DIP2C: variants seen among roughly 807,000 people sequenced by gnomAD.
DIP2C encodes disco-interacting protein 2 homolog C.
Under a neutral mutation model 192.4 loss-of-function variants are expected in DIP2C, and 33 were observed. That is an observed-to-expected ratio of 0.17 (90% CI 0.13 to 0.23). The LOEUF (loss-of-function observed/expected upper bound fraction) is 0.23. DIP2C is among the 10% of genes least tolerant of loss of function. The pLI is 1.00. For missense variants in DIP2C, 1,537 were observed against 2,110.1 expected (o/e 0.73, Z 5.32); for synonymous variants, 979 against 864.1 (o/e 1.13, Z -2.33).
chr10:297,123 G>C (rs1290503198), intron 32 of DIP2C, among the ~76,000 whole-genome samples: 4 of 151,882 alleles, frequency 2.6e-5, no homozygotes, highest in Admixed American at 2.6e-4. Flanking sequence ...GAACCGGGGA[G>C]GCAGAGGTTG....
At chr10:604,624 A>G (rs546476580) in intron 1 of DIP2C, among the ~76,000 whole-genome samples, 8 of 152,250 alleles carry the variant, frequency 5.3e-5, no homozygotes, top group Non-Finnish European at 1.0e-4. Flanking sequence ...ATTTAACTAG[A>G]TCTTATTACA....
At chr10:580,942 T>TC (rs1850607696) in intron 1 of DIP2C, among the ~76,000 whole-genome samples, 1 of 143,678 alleles carries the variant, frequency 7.0e-6, no homozygotes, top group East Asian at 2.0e-4. Context: ...TAGAAGTGTG[T>TC]CCTCATGTTT....
At chr10:390,661 A>C (rs1050367900) in intron 11 of DIP2C, 79 bp downstream of exon 11, 44 of 1,553,508 alleles carry the variant, frequency 2.8e-5, no homozygotes, top group Middle Eastern at 3.9e-4. Context: ...ATTGAAACCG[A>C]GGCGGGGTGA....
chr10:478,697 T>C (rs1173018051), intron 2 of DIP2C, among the ~76,000 whole-genome samples: 1 of 149,934 alleles, frequency 6.7e-6, no homozygotes, highest in Non-Finnish European at 1.5e-5. Context: ...CGTCTTATTC[T>C]CACTCATCTC....
At chr10:478,849 G>T (rs1268207010) in intron 2 of DIP2C, among the ~76,000 whole-genome samples, 1 of 152,142 alleles carries the variant, frequency 6.6e-6, no homozygotes. Flanking sequence ...GGTGCAGATA[G>T]CAACGTCTCT....
chr10:448,775 G>A (rs1228424121), intron 3 of DIP2C, among the ~76,000 whole-genome samples: 15 of 131,408 alleles, frequency 1.1e-4, no homozygotes, highest in African/African-American at 1.8e-4. Flanking sequence ...CACCCCTGTC[G>A]ATACTCAGGA....
At chr10:602,172 A>G (rs1852130007) in intron 1 of DIP2C, among the ~76,000 whole-genome samples, 1 of 152,148 alleles carries the variant, frequency 6.6e-6, no homozygotes, top group Non-Finnish European at 1.5e-5. Flanking sequence ...AGGTTTTTAC[A>G]GTCTGAAGAA....
At chr10:508,211 T>C (rs963953544) in intron 1 of DIP2C, among the ~76,000 whole-genome samples, 1 of 151,960 alleles carries the variant, frequency 6.6e-6, no homozygotes, top group Non-Finnish European at 1.5e-5. Context: ...GCTGAAAATC[T>C]CTTCTGAAAA....
chr10:472,412 T>A (rs1564753537), intron 3 of DIP2C, 27 bp downstream of exon 3: 1 of 1,598,288 alleles, frequency 6.3e-7, no homozygotes, highest in South Asian at 1.1e-5. Flanking sequence ...CAGATGGACG[T>A]ATTGTATCAC....
At chr10:625,865 G>A (rs1425472893) in intron 1 of DIP2C, among the ~76,000 whole-genome samples, 1 of 152,250 alleles carries the variant, frequency 6.6e-6, no homozygotes, top group Admixed American at 6.5e-5. Flanking sequence ...GACTCCCAAA[G>A]AACACTGCAT....
At chr10:686,489 T>G (rs138669471) in intron 1 of DIP2C, among the ~76,000 whole-genome samples, 17 of 152,198 alleles carry the variant, frequency 1.1e-4, no homozygotes, top group Non-Finnish European at 2.4e-4. Context: ...CCTGACCGTG[T>G]GGCCTCCTTA....
At chr10:500,705 A>G (rs1223069466) in intron 1 of DIP2C, among the ~76,000 whole-genome samples, 1 of 152,258 alleles carries the variant, frequency 6.6e-6, no homozygotes, top group Non-Finnish European at 1.5e-5. Context: ...AAAGCTGGAA[A>G]TACAGGGATG....
intron 1 of DIP2C, among the ~76,000 whole-genome samples, chr10:547,977 A>G (rs185786603): frequency 3.9e-5 from 6 of 152,238 alleles, no homozygotes; most frequent in Admixed American, 3.3e-4. Flanking sequence ...ATGCAGCTCA[A>G]ACCCACTCAT....
Position 327,180 on chromosome 10 carries a change from G to T in DIP2C, c.3754-4C>A. The T allele has an allele frequency of 1.2e-6, 2 of 1,612,690 alleles. No homozygotes were observed. The highest frequency in any genetic ancestry group is 1.7e-6 in the Non-Finnish European group (2 of 1,179,652). ...GGGACAAGTCCAGCCCTCGCGCCTG[G>T]AGATGATGACAGAGAAACCGAGTCA... is the stretch of plus-strand genomic sequence containing the variant. On this transcript the variant is annotated splice_region_variant and splice_polypyrimidine_tract_variant and intron_variant, in intron 30 of 36. Transcript: ENST00000280886.
At chr10:549,593 G>A (rs760313032) in intron 1 of DIP2C, among the ~76,000 whole-genome samples, 2 of 152,164 alleles carry the variant, frequency 1.3e-5, no homozygotes, top group Non-Finnish European at 2.9e-5. Context: ...CCACAGGCCA[G>A]GAGGGTCTGG....
intron 3 of DIP2C, among the ~76,000 whole-genome samples, chr10:447,444 C>A (rs1439431044): frequency 1.3e-5 from 2 of 150,532 alleles, no homozygotes; most frequent in South Asian, 4.2e-4. Flanking sequence ...GGATCACACA[C>A]AGTGGGGCAG....
intron 1 of DIP2C, among the ~76,000 whole-genome samples, chr10:601,020 T>C (rs574256129): frequency 6.6e-6 from 1 of 152,306 alleles, no homozygotes; most frequent in African/African-American, 2.4e-5. Flanking sequence ...CATGTTCACC[T>C]GAGAAGGCTG....
Position 350,809 on chromosome 10 carries a change from A to T in DIP2C, c.2986-1355T>A, listed in dbSNP as rs375770615. ...CTACAGATGCACACCAACACGCCCA[A>T]CTAATTTTTGTATTTTTAGTAGAAA... On this transcript the variant is annotated intron_variant, in intron 24 of 36. Coordinates refer to ENST00000280886, the MANE Select transcript of DIP2C (RefSeq NM_014974.3). Among the ~76,000 whole-genome samples the T allele has an allele frequency of 4.0e-5, 6 of 151,770 alleles. No homozygotes were observed. In the East Asian group the frequency reaches 9.7e-4, roughly 24 times the overall value.
At chr10:407,072 C>A (rs1240388431) in intron 9 of DIP2C, among the ~76,000 whole-genome samples, 1 of 152,178 alleles carries the variant, frequency 6.6e-6, no homozygotes, top group East Asian at 1.9e-4. Flanking sequence ...CTTGGGGAGA[C>A]CGATTTGAGA....
Sources: gnomAD v4.1 joint callset for allele counts (sites outside exome capture counted in the v4.1 genomes callset) on GRCh38, gnomAD v4.1.1 for gene constraint, MANE v1.5 for transcripts, NCBI Gene and HGNC (gene_info 2026-07-23, HGNC 2026-07-21) for gene names.